The following MYH10 variants were observed in gnomAD, a reference collection of about 807,000 sequenced individuals.
MYH10 encodes the protein myosin-10.
A neutral mutation model predicts 257.8 loss-of-function variants in MYH10; 55 were observed. That is an observed-to-expected ratio of 0.21 (90% CI 0.17 to 0.27). The LOEUF (loss-of-function observed/expected upper bound fraction) is 0.27. Ranked by LOEUF, MYH10 falls within the 10% of genes least tolerant of loss-of-function variation. The pLI is 1.00. For missense variants in MYH10, 1,631 were observed against 2,500.6 expected (o/e 0.65, Z 7.42); for synonymous variants, 854 against 921.7 (o/e 0.93, Z 1.33).
At chr17:8,602,664 T>C (rs2084655884) in intron 3 of MYH10, among the ~76,000 whole-genome samples, 1 of 152,226 alleles carries the variant, frequency 6.6e-6, no homozygotes, top group South Asian at 2.1e-4. Context: ...TAATCAAAAC[T>C]ATCATCAACT....
In MYH10 at chr17:8,617,053, C is replaced by T. The variant is rs531769469; in HGVS notation, c.345+5849G>A. Among the ~76,000 whole-genome samples the T allele has an allele frequency of 3.8e-3, 580 of 151,634 alleles. 1 individual carries two copies. The highest frequency in any genetic ancestry group is 0.021 in the Middle Eastern group (6 of 292). ...AAATGGCACTGGGTTAACTGGCTAG[C>T]CATATGGAAAAAAAAAAAAGAATCT... On this transcript the variant is annotated intron_variant, in intron 2 of 42. Coordinates refer to ENST00000360416, the MANE Select transcript of MYH10 (RefSeq NM_001256012.3).
Position 8,478,386 on chromosome 17 carries a change from G to A in MYH10, c.5658C>T (p.Phe1886=), listed in dbSNP as rs747198706. The A allele has an allele frequency of 1.2e-6, 2 of 1,614,220 alleles. No homozygotes were observed. The highest frequency in any genetic ancestry group is 8.5e-7 in the Non-Finnish European group (1 of 1,180,028). The part of the protein sequence containing the change: ...RRTEKKLKEI[F]MQVEDERRHA... ...GTCGACGCTCATCCTCAACCTGCAT[G>A]AAGATTTCTTTCAGCTTCTTCTCAG... The change falls in exon 41 of 43, where the codon TTC becomes TTT. Residue 1886 remains phenylalanine (F), a synonymous_variant. Transcript: ENST00000360416.
At chr17:8,515,004 G>A (rs2081418928) in intron 21 of MYH10, among the ~76,000 whole-genome samples, 1 of 152,162 alleles carries the variant, frequency 6.6e-6, no homozygotes. Flanking sequence ...CACTCCGACA[G>A]TCCACTCACA....
chr17:8,499,540 CT>C, intron 29 of MYH10, 64 bp from the exon 30 acceptor site: 2 of 1,470,622 alleles, frequency 1.4e-6, no homozygotes, highest in Non-Finnish European at 1.9e-6. Context: ...CAGAGGACTG[CT>C]TTTTGAGTCT....
chr17:8,524,493 G>C (rs1310929188), intron 17 of MYH10, among the ~76,000 whole-genome samples: 1 of 138,236 alleles, frequency 7.2e-6, no homozygotes, highest in Non-Finnish European at 1.5e-5. Context: ...AAAAAAAAAA[G>C]GATATGGAGA....
In MYH10 at chr17:8,535,699, T is replaced by G; in HGVS notation, c.1779+59A>C. 6.5e-7 allele frequency: 1 copy of G among 1,533,942 alleles called. No homozygotes were observed. Among genetic ancestry groups the G allele is most frequent in the African/African-American group, 1.4e-5 (1 of 72,520 alleles). On this transcript the variant is annotated intron_variant, in intron 15 of 42. Transcript: ENST00000360416. This position sits in a 1 kb window ranked among gnomAD's most constrained non-coding sequence, Gnocchi z 4.3. ...CACCTTTGTTACACCTTCATAAAAATGTAGCAAAATTTCAAACACAGCCAT... is the reference window on the plus strand; with the variant it reads ...CACCTTTGTTACACCTTCATAAAAAGGTAGCAAAATTTCAAACACAGCCAT...
chr17:8,605,851 G>A (rs1301906183), intron 2 of MYH10, among the ~76,000 whole-genome samples: 1 of 152,122 alleles, frequency 6.6e-6, no homozygotes, highest in African/African-American at 2.4e-5. Context: ...AAAATGACAT[G>A]TTATAAGAAA....
At chr17:8,594,637 GA>G (rs1412399071) in intron 3 of MYH10, among the ~76,000 whole-genome samples, 4 of 152,034 alleles carry the variant, frequency 2.6e-5, no homozygotes, top group African/African-American at 9.7e-5. Flanking sequence ...TACAAATGTT[GA>G]CCCCCGTTAT....
chr17:8,521,125 A>G lies in MYH10; in HGVS notation c.2118T>C (p.Phe706=). 2.5e-6 allele frequency: 4 copies of G among 1,614,248 alleles called. No individual in the cohort carries two copies. The Middle Eastern group carries it at 4.9e-4, about 200-fold the overall frequency. The change falls in exon 18 of 43, where the codon TTT becomes TTC. Residue 706 remains phenylalanine (F), a synonymous_variant. Coordinates refer to ENST00000360416, the MANE Select transcript of MYH10 (RefSeq NM_001256012.3). The part of the protein sequence containing the change: ...MATLRNTNPN[F]VRCIIPNHEK... ...CGTGATTTGGAATGATACAACGAAC[A>G]AAGTTAGGGTTGGTGTTTCGGAGAG... is the stretch of plus-strand genomic sequence containing the variant.
At chr17:8,529,030 A>T (rs9908713) in intron 17 of MYH10, among the ~76,000 whole-genome samples, 147,828 of 152,218 alleles carry the variant, frequency 0.97, 71,948 homozygotes, top group East Asian at 1. Context: ...GGAATGAGCC[A>T]CCCCGCTGCT....
Position 8,577,276 on chromosome 17 carries a change from A to C in MYH10, c.593T>G (p.Val198Gly). Residue 198 changes from valine (V) to glycine (G), a missense_variant, in exon 5 of 43, where the codon GTT becomes GGT. By Grantham distance (109) the Val-to-Gly change is moderately radical. Around this residue, in one of 11 missense-constraint regions of MYH10, gnomAD observed 360 missense variants for 581.9 expected, o/e 0.62. Transcript: ENST00000360416. ...CTTTCTTCCTTTATGTGAAGAAGCA[A>C]CATGGGCAAGGTACTGAATAACTTT... ...TKKVIQYLAH[V>G]ASSHKGRKDH... The C allele has an allele frequency of 6.2e-7, 1 of 1,612,692 alleles. No homozygotes were observed. Among genetic ancestry groups the C allele is most frequent in the South Asian group, 1.1e-5 (1 of 90,876 alleles).
intron 14 of MYH10, among the ~76,000 whole-genome samples, chr17:8,540,137 A>G (rs956345331): frequency 3.3e-5 from 5 of 152,170 alleles, no homozygotes; most frequent in African/African-American, 9.7e-5. Context: ...CTACAGGCAC[A>G]TGCCACCACA....
At chr17:8,567,624 T>A (rs930707276) in intron 7 of MYH10, among the ~76,000 whole-genome samples, 1 of 152,056 alleles carries the variant, frequency 6.6e-6, no homozygotes, top group East Asian at 1.9e-4. Flanking sequence ...ATTGGTGTCC[T>A]CATAAGAAGA....
intron 30 of MYH10, among the ~76,000 whole-genome samples, chr17:8,495,485 C>A (rs974142831): frequency 1.3e-5 from 2 of 151,974 alleles, no homozygotes; most frequent in Non-Finnish European, 2.9e-5. Context: ...GGACAGGGGG[C>A]GGGGGGTCTC....
chr17:8,509,315 A>G (rs1326926691), intron 25 of MYH10, among the ~76,000 whole-genome samples: 2 of 152,178 alleles, frequency 1.3e-5, no homozygotes, highest in Non-Finnish European at 2.9e-5. Context: ...AGCAGGCTCT[A>G]CCATCTAGTT....
Position 8,511,019 on chromosome 17 carries a change from TATATATATATATATATATATA to T in MYH10, c.2953-1091_2953-1071del, listed in dbSNP as rs2081253506. 8.5e-4 allele frequency: 3 copies of T among 3,550 alleles called. No individual in the cohort carries two copies. In the Admixed American group the frequency reaches 0.018, roughly 21 times the overall value. 0.2% of individuals were successfully genotyped at this position (3,550 alleles called of 1,614,324 possible). On this transcript the variant is annotated intron_variant, in intron 24 of 42. Transcript: ENST00000360416. ...ATCAAAACATCTCATGTACCCCATA[TATATATATATATATATATATA>T]TATATATATATATATATATACACAC...
chr17:8,572,798 T>C (rs972309381), intron 6 of MYH10, among the ~76,000 whole-genome samples: 22 of 152,268 alleles, frequency 1.4e-4, no homozygotes, highest in African/African-American at 5.3e-4. Context: ...TGAGACTGAG[T>C]AACGATCTCA....
chr17:8,526,543 C>T (rs986610148), intron 17 of MYH10, among the ~76,000 whole-genome samples: 2 of 152,168 alleles, frequency 1.3e-5, no homozygotes, highest in African/African-American at 4.8e-5. Context: ...CTTCTAACAC[C>T]TAATTTACTA....
intron 30 of MYH10, among the ~76,000 whole-genome samples, chr17:8,497,218 T>C (rs1473850612): frequency 6.6e-6 from 1 of 152,222 alleles, no homozygotes; most frequent in Non-Finnish European, 1.5e-5. Flanking sequence ...TGGAGAATCA[T>C]GTACTGTAGT....
Sources: allele counts gnomAD v4.1 joint callset (sites outside exome capture counted in the v4.1 genomes callset), GRCh38; gene constraint gnomAD v4.1.1; regional missense constraint gnomAD v4.1.1; non-coding constraint Gnocchi (gnomAD v3.1); transcripts MANE v1.5; gene names NCBI Gene and HGNC (gene_info 2026-07-23, HGNC 2026-07-21).